CCDC3: variants seen among roughly 807,000 people sequenced by gnomAD.
The protein encoded by CCDC3 is coiled-coil domain containing 3.
Under a neutral mutation model 21.4 loss-of-function variants are expected in CCDC3, and 24 were observed. That is an observed-to-expected ratio of 1.12 (90% CI 0.81 to 1.58). The LOEUF is 1.58. Ranked by LOEUF, CCDC3 falls within the 40% of genes most tolerant of loss-of-function variation. The pLI, the probability that CCDC3 is intolerant of heterozygous loss-of-function variation, is 0.00. For missense variants in CCDC3, 425 were observed against 360.9 expected (o/e 1.18, Z -1.44); for synonymous variants, 186 against 166.0 (o/e 1.12, Z -0.93).
In CCDC3 at chr10:13,001,323, C is replaced by T. The variant is rs1835849991; in HGVS notation, c.248G>A (p.Cys83Tyr). The T allele has an allele frequency of 6.2e-7, 1 of 1,606,076 alleles. No individual in the cohort carries two copies. Among genetic ancestry groups the T allele is most frequent in the Non-Finnish European group, 8.5e-7 (1 of 1,177,538 alleles). Residue 83 changes from cysteine to tyrosine, a missense_variant, in exon 1 of 3, where the codon TGC becomes TAC. By Grantham distance (194) the Cys-to-Tyr change is radical (BLOSUM62 -2). Coordinates refer to ENST00000378825, the MANE Select transcript of CCDC3 (RefSeq NM_031455.4). ...CAGCATGCTGCCCCACGCCTGGTCG[C>T]ACAGCATCTCGACCTCGGCCGAGTA... Reference protein sequence around the residue: ...LFYSAEVEMLCDQAWGSMLEV... With the variant: ...LFYSAEVEMLYDQAWGSMLEV...
chr10:13,044,710 G>A (rs1836501346), intron 5 of CCDC3, among the ~76,000 whole-genome samples: 1 of 152,098 alleles, frequency 6.6e-6, no homozygotes, highest in Non-Finnish European at 1.5e-5. Context: ...CTATGTGTTT[G>A]TTTTTGTACC....
At chr10:13,063,906 T>C (rs1836792140) in intron 4 of CCDC3, among the ~76,000 whole-genome samples, 1 of 151,912 alleles carries the variant, frequency 6.6e-6, no homozygotes, top group African/African-American at 2.4e-5. Context: ...ATTCTTAGTG[T>C]GAGTCGTTTT....
chr10:13,079,582 G>A (rs766196935), intron 3 of CCDC3, among the ~76,000 whole-genome samples: 78 of 152,270 alleles, frequency 5.1e-4, no homozygotes, highest in South Asian at 1.7e-3. Flanking sequence ...AAAGCCACGG[G>A]GTTGGGGGGA....
At chr10:13,070,081 C>G (rs1836864801) in intron 4 of CCDC3, among the ~76,000 whole-genome samples, 1 of 146,234 alleles carries the variant, frequency 6.8e-6, no homozygotes, top group Non-Finnish European at 1.5e-5. Context: ...ACTGAACGGT[C>G]TAAACTAATA....
chr10:12,932,500 A>G (rs952624675), intron 2 of CCDC3, among the ~76,000 whole-genome samples: 3 of 152,196 alleles, frequency 2.0e-5, no homozygotes, highest in Non-Finnish European at 4.4e-5. Context: ...AAAGCAATTG[A>G]CTTTTGTCTG....
At chr10:12,943,244 G>A (rs575671492) in intron 2 of CCDC3, among the ~76,000 whole-genome samples, 23 of 152,232 alleles carry the variant, frequency 1.5e-4, no homozygotes, top group African/African-American at 5.3e-4. Context: ...GTCAGCATTA[G>A]ATAGTAAACC....
At chr10:13,098,219 C>T (rs574417057) in intron 3 of CCDC3, among the ~76,000 whole-genome samples, 148 of 152,264 alleles carry the variant, frequency 9.7e-4, no homozygotes, top group Non-Finnish European at 1.5e-3. Flanking sequence ...GAGCCTCCCA[C>T]ACCAAAGCCA....
intron 2 of CCDC3, among the ~76,000 whole-genome samples, chr10:12,981,177 A>ATTTTTTTTTTTTTTTTTTTTTTTTTT (rs59193619): frequency 9.5e-6 from 1 of 105,558 alleles, no homozygotes; most frequent in African/African-American, 3.9e-5. Context: ...CTGGCCCAGG[A>ATTTTTTTTTTTTTTTTTTTTTTTTTT]TTTTTTTTTT....
At chr10:12,927,881 A>C (rs1239746867) in intron 2 of CCDC3, among the ~76,000 whole-genome samples, 1 of 152,238 alleles carries the variant, frequency 6.6e-6, no homozygotes, top group Non-Finnish European at 1.5e-5. Context: ...AAGATGTATA[A>C]ATTCTATCAA....
rs111601559 is a variant in CCDC3 at position 13,001,390 on chromosome 10, G to A, written c.181C>T (p.His61Tyr). Residue 61 changes from histidine (H) to tyrosine (Y), a missense_variant, in exon 1 of 3, where the codon CAC (histidine) becomes TAC (tyrosine). Transcript: ENST00000378825. ...LHPEAPGLYN[H>Y]LPWQYHAGQG... ...CCGGCGTGGTACTGCCAGGGCAGGT[G>A]GTTGTAGAGGCCGGGCGCCTCGGGG... The A allele has an allele frequency of 4.3e-5, 68 of 1,582,124 alleles. No homozygotes were observed. Among genetic ancestry groups the A allele is most frequent in the Non-Finnish European group, 5.5e-5 (64 of 1,165,190 alleles).
In CCDC3 at chr10:13,032,937, A is replaced by G. The variant is rs187770863; in HGVS notation, c.-2+16737T>C. Among the ~76,000 whole-genome samples the G allele has an allele frequency of 4.5e-3, 686 of 152,330 alleles. 4 individuals are homozygous for G. The highest frequency in any genetic ancestry group is 8.6e-3 in the Non-Finnish European group (583 of 68,024). ...CTGCCCAAGGTAATTTATAGATTCA[A>G]TGCCATCCCCATCAAGCTACCAATG... On this transcript the variant is annotated intron_variant, in intron 5 of 6. Coordinates refer to the CCDC3 transcript ENST00000378839.
intron 3 of CCDC3, among the ~76,000 whole-genome samples, chr10:13,076,810 G>C (rs10796015): frequency 0.59 from 90,262 of 152,062 alleles, 27,017 homozygotes; most frequent in African/African-American, 0.64. Flanking sequence ...CACCTATTTA[G>C]AGAAGTTTTA....
intron 5 of CCDC3, among the ~76,000 whole-genome samples, chr10:13,020,687 A>G (rs903876488): frequency 6.6e-6 from 1 of 152,186 alleles, no homozygotes; most frequent in Non-Finnish European, 1.5e-5. Flanking sequence ...GGATAACCAG[A>G]TCAGCCTTGA....
intron 4 of CCDC3, among the ~76,000 whole-genome samples, chr10:13,072,994 G>A (rs946562029): frequency 1.3e-5 from 2 of 150,888 alleles, no homozygotes; most frequent in Admixed American, 6.6e-5. Flanking sequence ...AGCCTCCCAA[G>A]CAGCTGGGAT....
chr10:12,901,999 G>A (rs973037608), intron 2 of CCDC3, among the ~76,000 whole-genome samples: 1 of 152,128 alleles, frequency 6.6e-6, no homozygotes, highest in Admixed American at 6.5e-5. Flanking sequence ...GTCTCCCTGT[G>A]TATGTAATGT....
At chr10:13,061,041 G>T (rs550176286) in intron 4 of CCDC3, among the ~76,000 whole-genome samples, 1 of 152,204 alleles carries the variant, frequency 6.6e-6, no homozygotes, top group Non-Finnish European at 1.5e-5. Context: ...TTTTCCAGCT[G>T]TCCAACCACA....
intron 2 of CCDC3, among the ~76,000 whole-genome samples, chr10:12,950,617 A>AT (rs1208564076): frequency 5.9e-5 from 9 of 152,104 alleles, no homozygotes; most frequent in East Asian, 1.9e-4. Context: ...CTTGGTTATC[A>AT]TTTTTTTCTC....
At chr10:12,908,727 G>A (rs995520163) in intron 2 of CCDC3, among the ~76,000 whole-genome samples, 1 of 151,704 alleles carries the variant, frequency 6.6e-6, no homozygotes, top group Non-Finnish European at 1.5e-5. Context: ...CAAGTAGCTG[G>A]AACTACAAGT....
chr10:13,041,847 G>A (rs1326566699), intron 5 of CCDC3, among the ~76,000 whole-genome samples: 7 of 150,012 alleles, frequency 4.7e-5, no homozygotes, highest in African/African-American at 1.7e-4. Context: ...GGCTGGTCTC[G>A]AACTCCTGAC....
Sources: allele counts gnomAD v4.1 joint callset (sites outside exome capture counted in the v4.1 genomes callset), GRCh38; gene constraint gnomAD v4.1.1; transcripts MANE v1.5; gene names NCBI Gene and HGNC (gene_info 2026-07-23, HGNC 2026-07-21).